Variants in AGBL1 observed in about 807,000 individuals in gnomAD.
The protein encoded by AGBL1 is cytosolic carboxypeptidase 4.
Under a neutral mutation model 118.9 loss-of-function variants are expected in AGBL1, and 130 were observed. The observed-to-expected ratio is 1.09, with a 90% CI of 0.95 to 1.26. AGBL1 has a LOEUF of 1.26. AGBL1 is among the 50% of genes most tolerant of loss of function. The pLI is 0.00. For missense variants in AGBL1, 1,584 were observed against 1,298.1 expected (o/e 1.22, Z -3.38); for synonymous variants, 555 against 478.9 (o/e 1.16, Z -2.08).
rs553755927 is a variant in AGBL1, at chr15:86,779,914, C to A, written c.3158+105478C>A. On this transcript the variant is annotated intron_variant, in intron 22 of 22. Coordinates refer to ENST00000614907, the MANE Select transcript of AGBL1 (RefSeq NM_001386094.1). ...AGTTGGAAAAGTATGTGTTGGACAC[C>A]CCCCCAACACACACACACACACACA... 8.7e-5 allele frequency among the ~76,000 whole-genome samples: 9 copies of A among 103,090 alleles called. No homozygotes were observed. The South Asian group carries it at 2.7e-3, about 30-fold the overall frequency. The allele number at this position is 103,090 out of a possible 152,430, so 67.6% of individuals were successfully genotyped here.
intron 19 of AGBL1, among the ~76,000 whole-genome samples, chr15:86,534,486 C>A (rs111587863): frequency 6.6e-6 from 1 of 152,136 alleles, no homozygotes; most frequent in Non-Finnish European, 1.5e-5. Flanking sequence ...GGTTACTACA[C>A]AGGGCAAAGG....
chr15:86,191,348 CAAAAAAA>C (rs869108108), intron 5 of AGBL1, among the ~76,000 whole-genome samples: 4 of 65,118 alleles, frequency 6.1e-5, no homozygotes, highest in East Asian at 5.1e-4. Flanking sequence ...AACTTTGTCT[CAAAAAAA>C]AAAAAAAAAA....
intron 22 of AGBL1, among the ~76,000 whole-genome samples, chr15:86,782,085 G>A (rs955582860): frequency 2.0e-5 from 3 of 151,798 alleles, no homozygotes; most frequent in African/African-American, 7.3e-5. Flanking sequence ...ATCTCAAAAC[G>A]CTACTCATTC....
At position 86,233,707 on chromosome 15, in the gene AGBL1, G is replaced by C. The variant is rs10520616; in HGVS notation, c.526+8756G>C. Reference sequence around the variant, plus strand: ...GTTAAATCTTACTATGCAGTGGCAAGAAGGAAGAACTAGTGAAGTTTGACC... The same window carrying C: ...GTTAAATCTTACTATGCAGTGGCAACAAGGAAGAACTAGTGAAGTTTGACC... On this transcript the variant is annotated intron_variant, in intron 6 of 22. Transcript: ENST00000614907. Among the ~76,000 whole-genome samples the C allele has an allele frequency of 1.3e-3, 200 of 152,236 alleles. 1 individual carries two copies. The highest frequency in any genetic ancestry group is 4.6e-3 in the African/African-American group (193 of 41,570).
intron 17 of AGBL1, among the ~76,000 whole-genome samples, chr15:86,324,385 C>A (rs1208136413): frequency 5.9e-5 from 9 of 152,158 alleles, no homozygotes; most frequent in Non-Finnish European, 1.0e-4. Context: ...TAGGTGTTTC[C>A]CATTATGGTG....
At chr15:86,464,942 G>A (rs1681431466) in intron 18 of AGBL1, among the ~76,000 whole-genome samples, 1 of 151,832 alleles carries the variant, frequency 6.6e-6, no homozygotes, top group African/African-American at 2.4e-5. Flanking sequence ...GAATTTGAAT[G>A]TTGGCCTGTC....
chr15:86,816,353 G>T (rs2078858268), intron 22 of AGBL1, among the ~76,000 whole-genome samples: 1 of 152,196 alleles, frequency 6.6e-6, no homozygotes, highest in Admixed American at 6.5e-5. Flanking sequence ...AGGCCTGGAG[G>T]CCAAGAAAAG....
At chr15:86,966,557 T>G (rs2347461) in intron 23 of AGBL1, among the ~76,000 whole-genome samples, 72,070 of 151,804 alleles carry the variant, frequency 0.47, 20,099 homozygotes, top group Non-Finnish European at 0.62. Context: ...TTCCCACCTA[T>G]GAGTGAGAAC....
At chr15:86,092,850 C>T (rs76671745) in intron 1 of AGBL1, among the ~76,000 whole-genome samples, 1,673 of 152,234 alleles carry the variant, frequency 0.011, 10 homozygotes, top group East Asian at 0.023. Context: ...AGATAATAAA[C>T]CTACTCCTCC....
chr15:86,456,048 T>C (rs1262830256), intron 18 of AGBL1, among the ~76,000 whole-genome samples: 1 of 152,208 alleles, frequency 6.6e-6, no homozygotes. Flanking sequence ...ACTTCGATGT[T>C]CTGTATAGAT....
chr15:86,677,739 A>G lies in AGBL1; in HGVS notation c.3158+3303A>G, dbSNP rs540887765. On this transcript the variant is annotated intron_variant, in intron 22 of 22. Coordinates refer to ENST00000614907, the MANE Select transcript of AGBL1 (RefSeq NM_001386094.1). ...TGCTTTAGCCTGGGCTCACCTTAGT[A>G]TCTACATAAACTAGGTTTGTTTGAC... Among the ~76,000 whole-genome samples the G allele has an allele frequency of 1.2e-3, 187 of 152,326 alleles. 1 individual carries two copies. Among genetic ancestry groups the G allele is most frequent in the African/African-American group, 4.4e-3 (182 of 41,570 alleles).
intron 5 of AGBL1, among the ~76,000 whole-genome samples, chr15:86,219,666 G>C (rs1054277851): frequency 2.0e-5 from 3 of 151,986 alleles, no homozygotes; most frequent in South Asian, 2.1e-4. Flanking sequence ...ATCTAAACCC[G>C]CTTAAGCTGT....
chr15:86,716,616 G>A (rs1158692449), intron 22 of AGBL1, among the ~76,000 whole-genome samples: 1 of 152,142 alleles, frequency 6.6e-6, no homozygotes, highest in Admixed American at 6.5e-5. Flanking sequence ...GCTATCTCCA[G>A]CCAATACTCA....
intron 18 of AGBL1, among the ~76,000 whole-genome samples, chr15:86,453,631 T>G (rs1180005272): frequency 6.6e-6 from 1 of 152,210 alleles, no homozygotes; most frequent in Non-Finnish European, 1.5e-5. Flanking sequence ...TTCTCATCCG[T>G]AGTAAGCTGG....
chr15:86,180,529 A>G (rs1176001902), intron 5 of AGBL1, among the ~76,000 whole-genome samples: 1 of 152,170 alleles, frequency 6.6e-6, no homozygotes, highest in Non-Finnish European at 1.5e-5. Flanking sequence ...TGAATATAAA[A>G]TGGACCATAG....
chr15:87,008,742 A>T (rs959063182), intron 24 of AGBL1, among the ~76,000 whole-genome samples: 2 of 152,196 alleles, frequency 1.3e-5, no homozygotes, highest in Admixed American at 1.3e-4. Context: ...GTGATCTCAG[A>T]TGGAGAGGAG....
At position 86,400,574 on chromosome 15, in the gene AGBL1, T is replaced by C. The variant is rs755436464; in HGVS notation, c.2555+3028T>C. Among the ~76,000 whole-genome samples, 192 of 151,162 alleles carry C rather than the reference T, an allele frequency of 1.3e-3. 1 individual carries two copies. The highest frequency in any genetic ancestry group is 1.8e-3 in the Non-Finnish European group (125 of 67,794). On this transcript the variant is annotated intron_variant, in intron 18 of 22. Transcript: ENST00000614907. ...GCACCCATCCCCCGAGCAGTGTACA[T>C]TGTACCCAATGTGTAGTCTTTTATC...
intron 21 of AGBL1, among the ~76,000 whole-genome samples, chr15:86,625,930 C>A (rs192679654): frequency 6.6e-6 from 1 of 152,010 alleles, no homozygotes; most frequent in Non-Finnish European, 1.5e-5. Flanking sequence ...GAAGCTGTAT[C>A]CCATTGGTGG....
intron 19 of AGBL1, among the ~76,000 whole-genome samples, chr15:86,533,974 AG>A (rs1472810989): frequency 1.7e-5 from 1 of 58,216 alleles, no homozygotes; most frequent in African/African-American, 6.5e-5. Flanking sequence ...GGGTGGGGGG[AG>A]GGGGGAGGGG....
Sources: allele counts gnomAD v4.1 joint callset (sites outside exome capture counted in the v4.1 genomes callset), GRCh38; gene constraint gnomAD v4.1.1; transcripts MANE v1.5; gene names NCBI Gene and HGNC (gene_info 2026-07-23, HGNC 2026-07-21).